Variants in RALGAPA1 observed in about 807,000 individuals in gnomAD.
The protein encoded by RALGAPA1 is ral GTPase-activating protein subunit alpha-1.
RALGAPA1 carries 52 observed loss-of-function variants against 269.6 expected under a neutral mutation model. The observed-to-expected ratio is 0.19, with a 90% CI of 0.15 to 0.24. RALGAPA1 has a LOEUF of 0.24. Among genes scored for constraint, RALGAPA1 ranks in the 10% least tolerant of loss-of-function variants. RALGAPA1 has a pLI of 1.00. For missense variants in RALGAPA1, 1,917 were observed against 3,013.9 expected (o/e 0.64, Z 8.52); for synonymous variants, 817 against 1,008.3 (o/e 0.81, Z 3.60).
chr14:35,609,022 C>G (rs566806942), intron 35 of RALGAPA1, among the ~76,000 whole-genome samples: 2 of 151,990 alleles, frequency 1.3e-5, no homozygotes, highest in African/African-American at 4.8e-5. Flanking sequence ...GTCAGGAGAT[C>G]GAGATCATCC....
intron 27 of RALGAPA1, among the ~76,000 whole-genome samples, chr14:35,660,613 T>A (rs1185643436): frequency 6.6e-6 from 1 of 152,058 alleles, no homozygotes; most frequent in African/African-American, 2.4e-5. Flanking sequence ...CCAAAGGAAA[T>A]GAAATTAGCA....
chr14:35,750,401 C>T (rs1367873193), intron 9 of RALGAPA1, 81 bp downstream of exon 9: 3 of 918,232 alleles, frequency 3.3e-6, no homozygotes, highest in Non-Finnish European at 5.1e-6. Context: ...GTGTACGCTC[C>T]ACCTAAGGCA....
In RALGAPA1 at chr14:35,627,350, A is replaced by G; in HGVS notation, c.6597T>C (p.Pro2199=). ...AGATTCCAGTTCTCTGTAAGCATTC[A>G]GGACTAGTAACACCCAAATACTGCA... The part of the protein sequence containing the change: ...ELLQYLGVTS[P]ECLQRTGISL... Residue 2199 remains proline, a synonymous_variant, in exon 34 of 42, where the codon CCT becomes CCC. Transcript: ENST00000680220. 1 of 1,613,534 alleles carries G rather than the reference A, an allele frequency of 6.2e-7. No homozygotes were observed. Among genetic ancestry groups the G allele is most frequent in the African/African-American group, 1.3e-5 (1 of 75,014 alleles).
At chr14:35,659,222 G>C (rs201025819) in intron 27 of RALGAPA1, 26 bp from the exon 28 acceptor site, 4 of 1,552,326 alleles carry the variant, frequency 2.6e-6, no homozygotes, top group East Asian at 2.3e-5. Flanking sequence ...AATAGTTAAC[G>C]GCAATGACTG....
At chr14:35,619,636 A>G (rs904972996) in intron 35 of RALGAPA1, among the ~76,000 whole-genome samples, 4 of 152,224 alleles carry the variant, frequency 2.6e-5, no homozygotes, top group Non-Finnish European at 5.9e-5. Flanking sequence ...AGAAGAATCA[A>G]ATAGACACAA....
At chr14:35,577,625 T>C (rs746010114) in intron 37 of RALGAPA1, among the ~76,000 whole-genome samples, 47 of 152,296 alleles carry the variant, frequency 3.1e-4, no homozygotes, top group Non-Finnish European at 6.2e-4. Context: ...AAGACATTCA[T>C]CTTATGGCAA....
rs1412228852 is a variant in RALGAPA1 at position 35,688,372 on chromosome 14, T to C, written c.3952+87A>G. On this transcript the variant is annotated intron_variant, in intron 18 of 41. Coordinates refer to ENST00000680220, the MANE Select transcript of RALGAPA1 (RefSeq NM_001346249.2). ...AAAGCAGTGACCATCCCAAAGCTTTTTGATTGCTTATAGCTTGCTTCAGTT... is the reference window on the plus strand; with the variant it reads ...AAAGCAGTGACCATCCCAAAGCTTTCTGATTGCTTATAGCTTGCTTCAGTT... 25 of 1,469,022 alleles carry C rather than the reference T, an allele frequency of 1.7e-5. No homozygotes were observed. The Admixed American group carries it at 3.6e-4, about 21-fold the overall frequency. The allele number at this position is 1,469,022 out of a possible 1,614,324, so 91.0% of individuals were successfully genotyped here.
intron 31 of RALGAPA1, among the ~76,000 whole-genome samples, chr14:35,650,198 C>A (rs548890025): frequency 4.0e-5 from 6 of 151,636 alleles, no homozygotes; most frequent in Non-Finnish European, 8.8e-5. Flanking sequence ...ATGATGAGAC[C>A]CCCCCGCCCC....
At chr14:35,779,776 A>G (rs1038752792) in intron 1 of RALGAPA1, among the ~76,000 whole-genome samples, 5 of 152,302 alleles carry the variant, frequency 3.3e-5, no homozygotes, top group Admixed American at 6.5e-5. Flanking sequence ...TTTCCTTCCC[A>G]TAAGGCATGC....
chr14:35,636,010 C>A (rs78500984), intron 31 of RALGAPA1, among the ~76,000 whole-genome samples: 6,078 of 152,242 alleles, frequency 0.04, 342 homozygotes, highest in African/African-American at 0.12. Context: ...GCCAGTAAGA[C>A]TACCTTAAGT....
Position 35,627,735 on chromosome 14 carries a change from G to A in RALGAPA1, c.6212C>T (p.Thr2071Ile), listed in dbSNP as rs148895555. 1.9e-6 allele frequency: 3 copies of A among 1,613,876 alleles called. No homozygotes were observed. The highest frequency in any genetic ancestry group is 2.5e-6 in the Non-Finnish European group (3 of 1,179,950). The change falls in exon 34 of 42, where the codon ACA (threonine) becomes ATA (isoleucine). Residue 2071 changes from threonine to isoleucine, a missense_variant. By Grantham distance (89) the Thr-to-Ile change is moderately conservative. This residue lies in a region of RALGAPA1 where 346 missense variants were observed against 566.1 expected (regional missense o/e 0.61). Coordinates refer to ENST00000680220, the MANE Select transcript of RALGAPA1 (RefSeq NM_001346249.2). ...GATCTGGATACAGGACACTAAGGTT[G>A]TATTATTTAACACAAAGAACTGGAT... Reference protein sequence around the residue: ...PNIQFFVLNNTTLVSCIQIRS... With the variant: ...PNIQFFVLNNITLVSCIQIRS...
intron 16 of RALGAPA1, among the ~76,000 whole-genome samples, chr14:35,710,946 A>G (rs1480496541): frequency 6.6e-6 from 1 of 152,238 alleles, no homozygotes; most frequent in Non-Finnish European, 1.5e-5. Flanking sequence ...TCTGTAATAC[A>G]TTCTACGATG....
chr14:35,736,793 T>C (rs183545013), intron 12 of RALGAPA1, among the ~76,000 whole-genome samples: 27 of 152,294 alleles, frequency 1.8e-4, no homozygotes, highest in African/African-American at 6.3e-4. Flanking sequence ...CCCAACACTT[T>C]GGGAGGCTGA....
chr14:35,730,793 C>CTTCAGT (rs1232231044), intron 12 of RALGAPA1, among the ~76,000 whole-genome samples: 1 of 152,180 alleles, frequency 6.6e-6, no homozygotes, highest in Non-Finnish European at 1.5e-5. Flanking sequence ...TGGGCCTTCC[C>CTTCAGT]TACTCATCCT....
chr14:35,587,691 G>A (rs1218329492), intron 37 of RALGAPA1, among the ~76,000 whole-genome samples: 1 of 151,714 alleles, frequency 6.6e-6, no homozygotes, highest in East Asian at 1.9e-4. Flanking sequence ...ACACAGGGTG[G>A]GGAACATTAC....
chr14:35,606,060 A>G (rs113062805), intron 35 of RALGAPA1, among the ~76,000 whole-genome samples: 18 of 152,232 alleles, frequency 1.2e-4, no homozygotes, highest in African/African-American at 2.9e-4. Flanking sequence ...CTGTTTTGCA[A>G]TGTAGCCGAA....
chr14:35,688,263 T>C (rs75459030), intron 18 of RALGAPA1, among the ~76,000 whole-genome samples, 196 bp downstream of exon 18: 3,420 of 152,298 alleles, frequency 0.022, 128 homozygotes, highest in South Asian at 0.14. Context: ...AAATGCCTTA[T>C]AAGGGAAATT....
At chr14:35,674,834 C>T (rs2064805036) in intron 22 of RALGAPA1, 125 bp from the exon 23 acceptor site, 4 of 536,044 alleles carry the variant, frequency 7.5e-6, no homozygotes, top group Non-Finnish European at 3.3e-6. Flanking sequence ...TGTCAACATA[C>T]ATTATTTTTT....
chr14:35,789,591 C>CAA (rs201920021), intron 1 of RALGAPA1, among the ~76,000 whole-genome samples: 3 of 147,866 alleles, frequency 2.0e-5, no homozygotes, highest in Admixed American at 6.7e-5. Context: ...GACCCTGTCT[C>CAA]AAAAAAAAAA....
Sources: allele counts gnomAD v4.1 joint callset (sites outside exome capture counted in the v4.1 genomes callset), GRCh38; gene constraint gnomAD v4.1.1; regional missense constraint gnomAD v4.1.1; transcripts MANE v1.5; gene names NCBI Gene and HGNC (gene_info 2026-07-23, HGNC 2026-07-21).